CNTN5: variants seen among roughly 807,000 people sequenced by gnomAD.
CNTN5 encodes contactin-5.
CNTN5 carries 77 observed loss-of-function variants against 129.1 expected under a neutral mutation model. That is an observed-to-expected ratio of 0.60 (90% confidence interval 0.50 to 0.72). CNTN5 has a LOEUF of 0.72. Among genes scored for constraint, CNTN5 ranks in the 30% least tolerant of loss-of-function variants. CNTN5 has a pLI of 0.00. For synonymous variants in CNTN5, 509 were observed against 465.6 expected (o/e 1.09, Z -1.20); for missense variants, 1,478 against 1,328.8 (o/e 1.11, Z -1.75).
At chr11:99,892,250 CA>C (rs958341979) in intron 6 of CNTN5, among the ~76,000 whole-genome samples, 46 of 152,116 alleles carry the variant, frequency 3.0e-4, no homozygotes, top group African/African-American at 1.0e-3. Flanking sequence ...GGATAGATTG[CA>C]AAAATTTTCT....
intron 9 of CNTN5, among the ~76,000 whole-genome samples, chr11:100,053,105 C>A (rs1943039451): frequency 1.3e-5 from 2 of 151,584 alleles, no homozygotes; most frequent in African/African-American, 4.8e-5. Flanking sequence ...GTATAGATTT[C>A]TACATACCTA....
intron 1 of CNTN5, among the ~76,000 whole-genome samples, chr11:99,059,061 C>T (rs972230831): frequency 3.0e-5 from 4 of 132,078 alleles, no homozygotes; most frequent in Non-Finnish European, 6.4e-5. Flanking sequence ...CCTTCCTTCT[C>T]TCCCCTTGCC....
intron 3 of CNTN5, among the ~76,000 whole-genome samples, chr11:99,790,244 T>C (rs887638807): frequency 2.0e-5 from 3 of 152,096 alleles, no homozygotes; most frequent in Non-Finnish European, 4.4e-5. Context: ...AAATTGTGTT[T>C]CATAGGAGTT....
chr11:99,493,047 C>T (rs1283709133), intron 2 of CNTN5, among the ~76,000 whole-genome samples: 1 of 152,152 alleles, frequency 6.6e-6, no homozygotes, highest in Non-Finnish European at 1.5e-5. Flanking sequence ...ATGCAGGAGA[C>T]TGTTTGAAAG....
At chr11:99,071,063 G>A (rs372767908) in intron 1 of CNTN5, among the ~76,000 whole-genome samples, 1 of 152,036 alleles carries the variant, frequency 6.6e-6, no homozygotes, top group East Asian at 1.9e-4. Flanking sequence ...AAGCAGCAAG[G>A]CTTAGAGTAT....
At chr11:99,895,946 C>T (rs1191015556) in intron 6 of CNTN5, among the ~76,000 whole-genome samples, 1 of 152,162 alleles carries the variant, frequency 6.6e-6, no homozygotes, top group African/African-American at 2.4e-5. Flanking sequence ...TGCGTAAGTC[C>T]TTGCCTCTGC....
At chr11:100,017,639 A>C (rs903925341) in intron 9 of CNTN5, among the ~76,000 whole-genome samples, 2 of 152,046 alleles carry the variant, frequency 1.3e-5, no homozygotes, top group African/African-American at 2.4e-5. Flanking sequence ...AATCTGAGTT[A>C]ATAAACAAAA....
At chr11:99,660,080 T>C (rs1032330533) in intron 3 of CNTN5, among the ~76,000 whole-genome samples, 10 of 152,084 alleles carry the variant, frequency 6.6e-5, no homozygotes, top group African/African-American at 2.4e-4. Flanking sequence ...TCATTTTATA[T>C]AGAAAATTTC....
intron 20 of CNTN5, among the ~76,000 whole-genome samples, chr11:100,306,955 C>A (rs1266990092): frequency 6.6e-6 from 1 of 151,650 alleles, no homozygotes; most frequent in African/African-American, 2.4e-5. Flanking sequence ...TTTGAGATGA[C>A]ACAATTATAG....
intron 21 of CNTN5, among the ~76,000 whole-genome samples, chr11:100,315,802 G>T (rs529072361): frequency 1.3e-5 from 2 of 152,142 alleles, no homozygotes; most frequent in South Asian, 2.1e-4. Flanking sequence ...GTAAATTTTG[G>T]TTACCTACAT....
chr11:100,231,452 C>G (rs565946863), intron 16 of CNTN5, among the ~76,000 whole-genome samples: 2 of 152,058 alleles, frequency 1.3e-5, no homozygotes, highest in Admixed American at 6.6e-5. Flanking sequence ...AAAATGAGAA[C>G]GAGAAGGCAA....
chr11:100,207,597 T>G (rs1471900107), intron 15 of CNTN5, among the ~76,000 whole-genome samples: 1 of 152,114 alleles, frequency 6.6e-6, no homozygotes, highest in Non-Finnish European at 1.5e-5. Context: ...TATATTATAT[T>G]TACAAAATTT....
chr11:100,084,045 T>C (rs1484477553), intron 13 of CNTN5, among the ~76,000 whole-genome samples: 1 of 152,136 alleles, frequency 6.6e-6, no homozygotes, highest in Non-Finnish European at 1.5e-5. Flanking sequence ...CCTCCAGTTT[T>C]TGACTTTACA....
intron 18 of CNTN5, among the ~76,000 whole-genome samples, chr11:100,290,240 G>A (rs979920841): frequency 7.2e-5 from 11 of 151,972 alleles, no homozygotes; most frequent in African/African-American, 2.7e-4. Flanking sequence ...TTTCTTCACA[G>A]AATTGGAAAA....
rs3061793 is a variant in CNTN5, at chr11:100,070,165, CAA to C, written c.1163-244_1163-243del. Among the ~76,000 whole-genome samples, 63 of 109,230 alleles carry C rather than the reference CAA, an allele frequency of 5.8e-4. 1 individual carries two copies. Among genetic ancestry groups the C allele is most frequent in the Non-Finnish European group, 5.8e-4 (29 of 50,102 alleles). 71.7% of individuals were successfully genotyped at this position (109,230 alleles called of 152,430 possible). On this transcript the variant is annotated intron_variant, in intron 10 of 24. Transcript: ENST00000524871. ...GGGGATAACTAAACCACTTAAAGTC[CAA>C]AAAAAAAAAAAAAAGAAGAAGAAGA...
Position 99,491,772 on chromosome 11 carries a change from A to G in CNTN5, c.-70-64373A>G, listed in dbSNP as rs116312940. ...CAGTACATTTTGCTTTCATGTGCCT[A>G]TGATCATAGCTGCTTTGTCAGAAAA... is the stretch of plus-strand genomic sequence containing the variant. On this transcript the variant is annotated intron_variant, in intron 2 of 24. Coordinates refer to ENST00000524871, the MANE Select transcript of CNTN5 (RefSeq NM_014361.4). Among the ~76,000 whole-genome samples the G allele has an allele frequency of 2.5e-3, 380 of 152,264 alleles. 4 individuals carry two copies. The highest frequency in any genetic ancestry group is 0.014 in the East Asian group (70 of 5,168).
chr11:99,863,699 A>C (rs1237732309), intron 6 of CNTN5, among the ~76,000 whole-genome samples: 1 of 152,230 alleles, frequency 6.6e-6, no homozygotes, highest in Non-Finnish European at 1.5e-5. Flanking sequence ...TCTAGCACCT[A>C]AAATTTATAG....
Position 99,244,166 on chromosome 11 carries a change from G to A in CNTN5, c.-209-81180G>A, listed in dbSNP as rs141852294. Among the ~76,000 whole-genome samples, 662 of 152,160 alleles carry A rather than the reference G, an allele frequency of 4.4e-3. 7 individuals are homozygous for A. The highest frequency in any genetic ancestry group is 0.015 in the African/African-American group (626 of 41,524). ...TTAGCAGTGTTTTATAGTACTCGTC[G>A]TAGAGATCTTTCACCTTGGATAGAT... On this transcript the variant is annotated intron_variant, in intron 1 of 24. Coordinates refer to ENST00000524871, the MANE Select transcript of CNTN5 (RefSeq NM_014361.4).
chr11:99,722,300 C>T (rs1565461233), intron 3 of CNTN5, among the ~76,000 whole-genome samples: 1 of 152,038 alleles, frequency 6.6e-6, no homozygotes, highest in Non-Finnish European at 1.5e-5. Flanking sequence ...GCTATGCAGC[C>T]ATAACAAGGA....
Sources: gnomAD v4.1 joint callset for allele counts (sites outside exome capture counted in the v4.1 genomes callset) on GRCh38, gnomAD v4.1.1 for gene constraint, MANE v1.5 for transcripts, NCBI Gene and HGNC (gene_info 2026-07-23, HGNC 2026-07-21) for gene names.